Variants in ZMAT4 observed in about 807,000 individuals in gnomAD.
The protein encoded by ZMAT4 is zinc finger matrin-type 4.
A neutral mutation model predicts 28.7 loss-of-function variants in ZMAT4; 17 were observed. The ratio of observed to expected loss-of-function variants is 0.59; its 90% CI spans 0.41 to 0.89. ZMAT4 has a LOEUF of 0.89. ZMAT4 is among the 40% of genes least tolerant of loss of function. ZMAT4 has a pLI of 0.00. For synonymous variants in ZMAT4, 117 were observed against 109.2 expected (o/e 1.07, Z -0.44); for missense variants, 240 against 283.8 (o/e 0.85, Z 1.11).
At chr8:40,673,646 C>T (rs1808779406) in intron 5 of ZMAT4, among the ~76,000 whole-genome samples, 1 of 152,090 alleles carries the variant, frequency 6.6e-6, no homozygotes, top group Non-Finnish European at 1.5e-5. Context: ...TGCTGTACTT[C>T]TATGCTGCCA....
intron 1 of ZMAT4, among the ~76,000 whole-genome samples, chr8:40,887,748 C>T (rs59141859): frequency 1.6e-4 from 24 of 151,940 alleles, no homozygotes; most frequent in Admixed American, 7.9e-4. Context: ...CCTCAACCCA[C>T]TTCCCCTGCC....
At chr8:40,595,706 C>T in intron 5 of ZMAT4, among the ~76,000 whole-genome samples, 1 of 152,150 alleles carries the variant, frequency 6.6e-6, no homozygotes, top group East Asian at 1.9e-4. Flanking sequence ...GGGCACTTCT[C>T]ATGAATGGAG....
At chr8:40,566,032 G>T (rs189544576) in intron 6 of ZMAT4, among the ~76,000 whole-genome samples, 125 of 152,250 alleles carry the variant, frequency 8.2e-4, no homozygotes, top group African/African-American at 2.9e-3. Context: ...TTAAGGACAA[G>T]AAATCAATTT....
At chr8:40,589,731 C>CCTTCCTTTCTTTCTTTCTTT (rs1554523991) in intron 5 of ZMAT4, among the ~76,000 whole-genome samples, 10 of 139,274 alleles carry the variant, frequency 7.2e-5, no homozygotes, top group African/African-American at 2.7e-4. Flanking sequence ...TTCTTCCTTT[C>CCTTCCTTTCTTTCTTTCTTT]CTTTCTTTCT....
At chr8:40,794,074 CA>C (rs1242338274) in intron 2 of ZMAT4, among the ~76,000 whole-genome samples, 1 of 151,212 alleles carries the variant, frequency 6.6e-6, no homozygotes, top group Non-Finnish European at 1.5e-5. Context: ...TAGGAGACAT[CA>C]AAAGGCAATT....
Position 40,601,644 on chromosome 8 carries a change from GA to G in ZMAT4, c.578-20384del, listed in dbSNP as rs1183478708. ...AAAGAAAGAAAGAAAGAGAAAGAAA[GA>G]AAGAAAGAAAGAAAGAAAGAAAGAA... On this transcript the variant is annotated intron_variant, in intron 5 of 6. Transcript: ENST00000297737. 7.4e-5 allele frequency among the ~76,000 whole-genome samples: 2 copies of G among 26,894 alleles called. 1 individual carries two copies. The highest frequency in any genetic ancestry group is 1.8e-4 in the Non-Finnish European group (2 of 11,244). 17.6% of individuals were successfully genotyped at this position (26,894 alleles called of 152,430 possible). A position where few individuals can be genotyped will look rare whatever the true frequency, so the allele number is the denominator to read the frequency against.
At chr8:40,744,073 T>A (rs1445366047) in intron 3 of ZMAT4, among the ~76,000 whole-genome samples, 1 of 152,182 alleles carries the variant, frequency 6.6e-6, no homozygotes, top group Non-Finnish European at 1.5e-5. Flanking sequence ...TGCCCAGCAC[T>A]GAGCCCAGAA....
intron 1 of ZMAT4, among the ~76,000 whole-genome samples, chr8:40,826,344 T>C (rs1490759995): frequency 2.0e-5 from 3 of 152,162 alleles, no homozygotes; most frequent in African/African-American, 7.2e-5. Context: ...CATATAGCAT[T>C]ATACAAAATT....
intron 1 of ZMAT4, among the ~76,000 whole-genome samples, chr8:40,868,639 G>T (rs1045269322): frequency 2.6e-5 from 4 of 152,188 alleles, no homozygotes; most frequent in Admixed American, 1.3e-4. Context: ...GAGGGTCCAA[G>T]GTCACCTGAC....
chr8:40,583,908 T>C (rs1804576561), intron 5 of ZMAT4, among the ~76,000 whole-genome samples: 2 of 152,120 alleles, frequency 1.3e-5, no homozygotes, highest in Non-Finnish European at 2.9e-5. Context: ...ACATCAACAG[T>C]AGGGTAGAGG....
intron 2 of ZMAT4, among the ~76,000 whole-genome samples, chr8:40,817,033 C>T (rs1371944258): frequency 6.6e-6 from 1 of 152,092 alleles, no homozygotes; most frequent in African/African-American, 2.4e-5. Flanking sequence ...ATAGCCTTTC[C>T]ACTTGCTTTT....
intron 1 of ZMAT4, among the ~76,000 whole-genome samples, chr8:40,826,224 A>G (rs185309673): frequency 6.6e-6 from 1 of 152,364 alleles, no homozygotes; most frequent in East Asian, 1.9e-4. Context: ...GAACTTTGAT[A>G]TATCATCACA....
At chr8:40,661,073 C>A (rs1460210842) in intron 5 of ZMAT4, among the ~76,000 whole-genome samples, 1 of 152,124 alleles carries the variant, frequency 6.6e-6, no homozygotes, top group Non-Finnish European at 1.5e-5. Flanking sequence ...ACAGATACAT[C>A]AATAAGTATG....
chr8:40,638,935 C>A (rs1043255111), intron 5 of ZMAT4, among the ~76,000 whole-genome samples: 4 of 152,362 alleles, frequency 2.6e-5, no homozygotes, highest in Non-Finnish European at 5.9e-5. Flanking sequence ...CAGTCTAATA[C>A]ATAACTGTTA....
intron 3 of ZMAT4, among the ~76,000 whole-genome samples, chr8:40,725,406 TG>T (rs1811277601): frequency 6.6e-6 from 1 of 152,164 alleles, no homozygotes; most frequent in African/African-American, 2.4e-5. Flanking sequence ...CATTTTTGTA[TG>T]TATTAGTATT....
intron 5 of ZMAT4, among the ~76,000 whole-genome samples, chr8:40,618,845 G>A (rs913834433): frequency 6.6e-6 from 1 of 152,306 alleles, no homozygotes; most frequent in African/African-American, 2.4e-5. Flanking sequence ...CCCCAGAAGC[G>A]ATGGATTCAA....
At position 40,646,881 on chromosome 8, in the gene ZMAT4, C is replaced by T. The variant is rs118132994; in HGVS notation, c.577+27823G>A. ...AGAGACATCTGTAGAACACTTCACT[C>T]GTAAAAAACAGTATACATATTCTTC... On this transcript the variant is annotated intron_variant, in intron 5 of 6. Coordinates refer to ENST00000297737, the MANE Select transcript of ZMAT4 (RefSeq NM_024645.3). Among the ~76,000 whole-genome samples, 355 of 152,242 alleles carry T rather than the reference C, an allele frequency of 2.3e-3. 2 individuals carry two copies. The highest frequency in any genetic ancestry group is 3.9e-3 in the Non-Finnish European group (264 of 68,016).
At chr8:40,843,222 T>C (rs377486961) in intron 1 of ZMAT4, among the ~76,000 whole-genome samples, 1 of 152,222 alleles carries the variant, frequency 6.6e-6, no homozygotes, top group Non-Finnish European at 1.5e-5. Context: ...AAGTCTCTCA[T>C]TGCTAGGACC....
intron 3 of ZMAT4, among the ~76,000 whole-genome samples, chr8:40,716,865 G>A (rs1401272077): frequency 6.6e-6 from 1 of 152,162 alleles, no homozygotes; most frequent in African/African-American, 2.4e-5. Flanking sequence ...GTCAGACTGA[G>A]CTGGAGCTTT....
Sources: allele counts gnomAD v4.1 joint callset (sites outside exome capture counted in the v4.1 genomes callset), GRCh38; gene constraint gnomAD v4.1.1; transcripts MANE v1.5; gene names NCBI Gene and HGNC (gene_info 2026-07-23, HGNC 2026-07-21).